The following TENM3 variants were observed in gnomAD, a reference collection of about 807,000 sequenced individuals.
TENM3 encodes teneurin-3.
TENM3 carries 63 observed loss-of-function variants against 255.1 expected under a neutral mutation model. That is an observed-to-expected ratio of 0.25 (90% CI 0.20 to 0.30). TENM3 has a LOEUF of 0.30. Ranked by LOEUF, TENM3 falls within the 10% of genes least tolerant of loss-of-function variation. TENM3 has a pLI of 1.00. For synonymous variants in TENM3, 1,306 were observed against 1,322.3 expected, an observed-to-expected ratio of 0.99 and a Z score of 0.27; for missense variants, 2,929 against 3,461.1, an observed-to-expected ratio of 0.85 and a Z score of 3.86.
chr4:182,328,188 G>A (rs1561326367), intron 2 of TENM3, among the ~76,000 whole-genome samples: 1 of 152,104 alleles, frequency 6.6e-6, no homozygotes. Context: ...TTGTAGAGTG[G>A]CAATGGAGAG....
the TENM3 span, among the ~76,000 whole-genome samples, chr4:181,686,648 G>A: frequency 6.6e-6 from 1 of 152,036 alleles, no homozygotes; most frequent in African/African-American, 2.4e-5. Context: ...ATAAACCTGT[G>A]GAGAAAGACA....
chr4:182,632,307 T>C (rs1376186041), intron 5 of TENM3, among the ~76,000 whole-genome samples: 4 of 152,212 alleles, frequency 2.6e-5, no homozygotes, highest in African/African-American at 9.6e-5. Context: ...CAGTTTTTTA[T>C]TGGTATACAT....
the TENM3 span, among the ~76,000 whole-genome samples, chr4:181,699,396 T>C: frequency 4.3e-5 from 5 of 115,324 alleles, no homozygotes; most frequent in South Asian, 3.0e-4. Context: ...TGTGCAATGA[T>C]AGCACCACTG....
chr4:182,360,597 T>G (rs917489884), intron 3 of TENM3, among the ~76,000 whole-genome samples: 1 of 152,252 alleles, frequency 6.6e-6, no homozygotes, highest in Non-Finnish European at 1.5e-5. Flanking sequence ...CATCCTTTTA[T>G]TTTGAGGCTA....
the TENM3 span, among the ~76,000 whole-genome samples, chr4:181,773,270 A>G: frequency 3.9e-5 from 6 of 152,250 alleles, no homozygotes; most frequent in South Asian, 1.0e-3. Context: ...TTTACTTTGT[A>G]GAGACCAAAA....
the TENM3 span, among the ~76,000 whole-genome samples, chr4:181,480,721 G>T: frequency 6.7e-6 from 1 of 150,314 alleles, no homozygotes; most frequent in Non-Finnish European, 1.5e-5. Flanking sequence ...ATAAAACCAC[G>T]CATATAGTTT....
At chr4:181,919,151 G>T in the TENM3 span, among the ~76,000 whole-genome samples, 1 of 152,156 alleles carries the variant, frequency 6.6e-6, no homozygotes, top group Non-Finnish European at 1.5e-5. Flanking sequence ...ATACCAGGCA[G>T]GGGAGTGTTT....
Position 182,799,478 on chromosome 4 carries a change from A to G in TENM3, c.7345-118A>G. 7.5e-7 allele frequency: 1 copy of G among 1,338,128 alleles called. No individual in the cohort carries two copies. The highest frequency in any genetic ancestry group is 1.0e-6 in the Non-Finnish European group (1 of 1,004,576). 82.9% of individuals were successfully genotyped at this position (1,338,128 alleles called of 1,614,324 possible). A position where few individuals can be genotyped will look rare whatever the true frequency, so the allele number is the denominator to read the frequency against. ...CGGGCTGTCAGCCTTCTGGTCAGGG[A>G]AGGACCCCGGGGCTTCCATGCATGC... On this transcript the variant is annotated intron_variant, in intron 27 of 27. Coordinates refer to ENST00000511685, the MANE Select transcript of TENM3 (RefSeq NM_001080477.4). The surrounding 1 kb of genome is among the most constrained non-coding windows in gnomAD (Gnocchi z 4.2).
the TENM3 span, among the ~76,000 whole-genome samples, chr4:181,577,443 C>T: frequency 6.6e-6 from 1 of 151,758 alleles, no homozygotes; most frequent in Non-Finnish European, 1.5e-5. Flanking sequence ...TGATCAGAAC[C>T]TTTCATGGAT....
Position 182,648,150 on chromosome 4 carries a change from T to A in TENM3, c.989-5621T>A, listed in dbSNP as rs539013179. ...CGGGCTGGAGCACAGACCATCACAG[T>A]TGACTCACCTGCAACATCATGAAAG... On this transcript the variant is annotated intron_variant, in intron 5 of 27. Coordinates refer to ENST00000511685, the MANE Select transcript of TENM3 (RefSeq NM_001080477.4). Among the ~76,000 whole-genome samples the A allele has an allele frequency of 3.9e-5, 6 of 152,292 alleles. No individual in the cohort carries two copies. In the East Asian group the frequency reaches 1.2e-3, roughly 29 times the overall value.
chr4:182,044,646 A>G, the TENM3 span, among the ~76,000 whole-genome samples: 1 of 152,242 alleles, frequency 6.6e-6, no homozygotes, highest in East Asian at 1.9e-4. Flanking sequence ...GAGAAAAGGA[A>G]TATCATAAAT....
chr4:181,800,138 T>A, the TENM3 span, among the ~76,000 whole-genome samples: 1 of 152,082 alleles, frequency 6.6e-6, no homozygotes, highest in African/African-American at 2.4e-5. Context: ...ACAATAATGG[T>A]AATGAGGACT....
intron 3 of TENM3, among the ~76,000 whole-genome samples, chr4:182,416,998 G>C (rs558805108): frequency 9.9e-5 from 15 of 152,034 alleles, no homozygotes; most frequent in African/African-American, 2.9e-4. Flanking sequence ...TTCTGAGACC[G>C]AGTCTCCCTC....
chr4:182,711,413 A>G (rs2152671484), intron 12 of TENM3, among the ~76,000 whole-genome samples: 2 of 152,334 alleles, frequency 1.3e-5, no homozygotes, highest in Middle Eastern at 3.4e-3. Context: ...AAATGTGAAT[A>G]GACTGGATTT....
the TENM3 span, among the ~76,000 whole-genome samples, chr4:181,613,662 C>T: frequency 3.8e-4 from 58 of 152,168 alleles, no homozygotes; most frequent in Non-Finnish European, 6.6e-4. Context: ...ACACGTCCTT[C>T]CCCAGGTTGT....
chr4:182,196,639 T>C (rs1753848507), intron 1 of TENM3, among the ~76,000 whole-genome samples: 1 of 152,212 alleles, frequency 6.6e-6, no homozygotes, highest in Admixed American at 6.5e-5. Context: ...CTAGGGCTGA[T>C]TGTGGAGAGG....
chr4:182,260,929 G>A (rs752224721), intron 1 of TENM3, among the ~76,000 whole-genome samples: 1 of 152,022 alleles, frequency 6.6e-6, no homozygotes, highest in Non-Finnish European at 1.5e-5. Context: ...AGGCTGGAGT[G>A]CAGAGGCGTG....
At chr4:182,502,775 T>C (rs1279173556) in intron 3 of TENM3, among the ~76,000 whole-genome samples, 1 of 152,074 alleles carries the variant, frequency 6.6e-6, no homozygotes, top group Non-Finnish European at 1.5e-5. Flanking sequence ...TTTTCTTTCC[T>C]CATATGTCAG....
At chr4:181,596,718 T>C in the TENM3 span, among the ~76,000 whole-genome samples, 5 of 152,268 alleles carry the variant, frequency 3.3e-5, no homozygotes, top group South Asian at 1.0e-3. Flanking sequence ...AAAGAAAATG[T>C]GGTACATAAA....
Sources: allele counts gnomAD v4.1 joint callset (sites outside exome capture counted in the v4.1 genomes callset), GRCh38; gene constraint gnomAD v4.1.1; non-coding constraint Gnocchi (gnomAD v3.1); transcripts MANE v1.5; gene names NCBI Gene and HGNC (gene_info 2026-07-23, HGNC 2026-07-21).